Variants in LCOR observed in about 807,000 individuals in gnomAD.
The protein encoded by LCOR is ligand-dependent corepressor.
A neutral mutation model predicts 64.4 loss-of-function variants in LCOR; 14 were observed. The observed-to-expected ratio is 0.22, with a 90% CI of 0.14 to 0.34. LCOR has a LOEUF of 0.34. Among genes scored for constraint, LCOR ranks in the 10% least tolerant of loss-of-function variants. The pLI, the probability that LCOR is intolerant of heterozygous loss-of-function variation, is 1.00. For synonymous variants in LCOR, 643 were observed against 642.5 expected (o/e 1.00, Z -0.01); for missense variants, 1,686 against 1,765.3 (o/e 0.96, Z 0.80).
rs1372231890 is a variant in LCOR at position 96,992,696 on chromosome 10, A to C, written c.*7562A>C. 6.6e-6 allele frequency: 1 copy of C among 152,250 alleles called. No individual in the cohort carries two copies. The highest frequency in any genetic ancestry group is 2.4e-5 in the African/African-American group (1 of 41,466). The allele number at this position is 152,250 out of a possible 1,614,324, so 9.4% of individuals were successfully genotyped here. A position where few individuals can be genotyped will look rare whatever the true frequency, so the allele number is the denominator to read the frequency against. On this transcript the variant is annotated 3_prime_UTR_variant, in exon 8 of 8. Transcript: ENST00000421806. ...GTTGGTACATTCAGCTGTACACTTA[A>C]CAGCCTGTACAGGAAAATGAGCCTT...
intron 7 of LCOR, among the ~76,000 whole-genome samples, chr10:96,969,873 G>T (rs966117991): frequency 6.9e-6 from 1 of 145,100 alleles, no homozygotes; most frequent in South Asian, 2.2e-4. Flanking sequence ...TCCGAGTCTT[G>T]GGTTCACACC....
chr10:96,942,329 G>A (rs1165447196), intron 4 of LCOR, among the ~76,000 whole-genome samples: 57 of 152,210 alleles, frequency 3.7e-4, no homozygotes, highest in Non-Finnish European at 4.9e-4. Context: ...TGCAATCGCA[G>A]GCACTCGGCA....
At chr10:96,883,811 A>G (rs1359032975) in intron 2 of LCOR, among the ~76,000 whole-genome samples, 4 of 152,108 alleles carry the variant, frequency 2.6e-5, no homozygotes, top group African/African-American at 7.2e-5. Context: ...CTTGAATGGT[A>G]GTTTCTTTTT....
intron 4 of LCOR, among the ~76,000 whole-genome samples, chr10:96,934,444 G>T (rs993108511): frequency 2.6e-5 from 4 of 152,020 alleles, no homozygotes; most frequent in Admixed American, 1.3e-4. Flanking sequence ...AAGCTCTGTG[G>T]ACTTCTAGGC....
chr10:96,874,769 C>G (rs1846135814), intron 2 of LCOR, among the ~76,000 whole-genome samples: 1 of 151,828 alleles, frequency 6.6e-6, no homozygotes, highest in African/African-American at 2.4e-5. Flanking sequence ...TCCTGAGTAG[C>G]TGGGATTACA....
At position 96,941,228 on chromosome 10, in the gene LCOR, G is replaced by A. The variant is rs1423849215; in HGVS notation, c.-183-2885G>A. Among the ~76,000 whole-genome samples, 1,035 of 118,888 alleles carry A rather than the reference G, an allele frequency of 8.7e-3. 13 individuals carry two copies. Among genetic ancestry groups the A allele is most frequent in the Admixed American group, 0.052 (641 of 12,398 alleles). 78.0% of individuals were successfully genotyped at this position (118,888 alleles called of 152,430 possible). ...TCCCTCCCGGACGGGGCGGCTGGCC[G>A]GGCGGGGGGCTGACCCCCCCACCTC... On this transcript the variant is annotated intron_variant, in intron 4 of 7. Coordinates refer to ENST00000421806, the MANE Select transcript of LCOR (RefSeq NM_001346516.2).
At chr10:96,907,040 GT>G (rs1846741314) in intron 2 of LCOR, among the ~76,000 whole-genome samples, 1 of 152,148 alleles carries the variant, frequency 6.6e-6, no homozygotes, top group Non-Finnish European at 1.5e-5. Context: ...CATTGGTCTT[GT>G]TCTTGAATGT....
intron 4 of LCOR, among the ~76,000 whole-genome samples, chr10:96,928,760 C>G (rs901181425): frequency 6.6e-6 from 1 of 152,172 alleles, no homozygotes; most frequent in Non-Finnish European, 1.5e-5. Flanking sequence ...CAGCTATAAC[C>G]TTGCGAAATG....
In LCOR at chr10:96,879,933, G is replaced by T. The variant is rs978266657; in HGVS notation, c.-329-27332G>T. Among the ~76,000 whole-genome samples the T allele has an allele frequency of 4.6e-5, 7 of 152,202 alleles. No homozygotes were observed. The East Asian group carries it at 1.3e-3, about 29-fold the overall frequency. ...CCACCTCGGCCTCCCAAAGTGCTGG[G>T]ATTACAGGTGTGAGCCACCGTGCCC... On this transcript the variant is annotated intron_variant, in intron 2 of 7. Transcript: ENST00000421806.
chr10:96,861,122 G>T (rs1043940077), intron 2 of LCOR, among the ~76,000 whole-genome samples: 4 of 152,108 alleles, frequency 2.6e-5, no homozygotes, highest in Non-Finnish European at 5.9e-5. Flanking sequence ...TATAGAAAGT[G>T]GGTATCTTCT....
rs1460486695 is a variant in LCOR at position 96,994,124 on chromosome 10, G to T, written c.*8990G>T. ...TTTGCAATTTTTCATGAATTTATAG[G>T]GTTTCCAGAATCTAGTTGAGGCAAA... On this transcript the variant is annotated 3_prime_UTR_variant, in exon 8 of 8. Coordinates refer to ENST00000421806, the MANE Select transcript of LCOR (RefSeq NM_001346516.2). 1 of 152,102 alleles carries T rather than the reference G, an allele frequency of 6.6e-6. No homozygotes were observed. Among genetic ancestry groups the T allele is most frequent in the Non-Finnish European group, 1.5e-5 (1 of 68,030 alleles). 9.4% of individuals were successfully genotyped at this position (152,102 alleles called of 1,614,324 possible).
At chr10:96,966,793 T>C (rs535854791) in intron 7 of LCOR, among the ~76,000 whole-genome samples, 1 of 152,302 alleles carries the variant, frequency 6.6e-6, no homozygotes, top group East Asian at 1.9e-4. Flanking sequence ...TGGAGTGCAG[T>C]GGCATGATCA....
intron 4 of LCOR, among the ~76,000 whole-genome samples, chr10:96,923,167 A>G (rs1010413052): frequency 6.6e-6 from 1 of 152,324 alleles, no homozygotes; most frequent in African/African-American, 2.4e-5. Context: ...ATTTAAATCA[A>G]TGAGTTGCAT....
intron 7 of LCOR, among the ~76,000 whole-genome samples, chr10:96,953,435 C>G (rs1847715610): frequency 6.6e-6 from 1 of 151,982 alleles, no homozygotes; most frequent in African/African-American, 2.4e-5. Flanking sequence ...ACCTGTAGTC[C>G]AGCTACTAAG....
chr10:96,891,109 GTTC>G (rs996252547), intron 2 of LCOR, among the ~76,000 whole-genome samples: 5 of 151,962 alleles, frequency 3.3e-5, no homozygotes, highest in South Asian at 4.1e-4. Flanking sequence ...AAGGATTGGT[GTTC>G]TTCTTTAAAT....
intron 2 of LCOR, among the ~76,000 whole-genome samples, chr10:96,862,455 G>A (rs974042070): frequency 6.6e-6 from 1 of 152,032 alleles, no homozygotes; most frequent in Non-Finnish European, 1.5e-5. Flanking sequence ...TTGAAGAGAT[G>A]GGGTTTCACC....
At chr10:96,886,084 G>T (rs2134425388) in intron 2 of LCOR, among the ~76,000 whole-genome samples, 1 of 152,178 alleles carries the variant, frequency 6.6e-6, no homozygotes, top group Admixed American at 6.5e-5. Context: ...CACCATGTTG[G>T]CCAGGCTGGT....
In LCOR at chr10:96,989,693, A is replaced by T. The variant is rs199704628; in HGVS notation, c.*4559A>T. On this transcript the variant is annotated 3_prime_UTR_variant, in exon 8 of 8. Transcript: ENST00000421806. ...GATAAGGATATATATATATATATAT[A>T]TATTTTTTTTTTTTTTTTTTTTTTT... 3.3e-4 allele frequency: 27 copies of T among 81,412 alleles called. No individual in the cohort carries two copies. The highest frequency in any genetic ancestry group is 1.6e-3 in the African/African-American group (22 of 13,470). 5.0% of individuals were successfully genotyped at this position (81,412 alleles called of 1,614,324 possible).
chr10:96,982,881 A>G lies in LCOR; in HGVS notation c.2421A>G (p.Lys807=), dbSNP rs946293210. 12 of 1,613,922 alleles carry G rather than the reference A, an allele frequency of 7.4e-6. No homozygotes were observed. The African/African-American group carries it at 1.3e-4, about 18-fold the overall frequency. ...EENLDKKKKG[K]KFPEASDRCL... Reference sequence around the variant, plus strand: ...ATTTGGACAAGAAGAAAAAAGGTAAAAAATTCCCTGAGGCCTCTGATAGGT... The same window carrying G: ...ATTTGGACAAGAAGAAAAAAGGTAAGAAATTCCCTGAGGCCTCTGATAGGT... Residue 807 remains lysine, a synonymous_variant, in exon 8 of 8, where the codon AAA becomes AAG. Coordinates refer to ENST00000421806, the MANE Select transcript of LCOR (RefSeq NM_001346516.2).
Sources: allele counts gnomAD v4.1 joint callset (sites outside exome capture counted in the v4.1 genomes callset), GRCh38; gene constraint gnomAD v4.1.1; transcripts MANE v1.5; gene names NCBI Gene and HGNC (gene_info 2026-07-23, HGNC 2026-07-21).